Variants in SEMA6D observed in about 807,000 individuals in gnomAD.
SEMA6D encodes the protein semaphorin-6D.
In SEMA6D, 35 loss-of-function variants were observed where a neutral mutation model predicts 106.6. That is an observed-to-expected ratio of 0.33 (90% CI 0.25 to 0.44). The LOEUF (loss-of-function observed/expected upper bound fraction) is 0.44. SEMA6D is among the 20% of genes least tolerant of loss of function. The pLI is 1.00. For missense variants in SEMA6D, 1,185 were observed against 1,345.9 expected, an observed-to-expected ratio of 0.88 and a Z score of 1.87; for synonymous variants, 499 against 487.7, an observed-to-expected ratio of 1.02 and a Z score of -0.31.
intron 2 of SEMA6D, among the ~76,000 whole-genome samples, chr15:47,469,252 C>A (rs2042756961): frequency 6.6e-6 from 1 of 151,894 alleles, no homozygotes; most frequent in Non-Finnish European, 1.5e-5. Flanking sequence ...TTGCCCCAAC[C>A]AGGGGCGGAT....
intron 3 of SEMA6D, among the ~76,000 whole-genome samples, chr15:47,502,471 G>A (rs2043883559): frequency 6.6e-6 from 1 of 152,190 alleles, no homozygotes; most frequent in Non-Finnish European, 1.5e-5. Flanking sequence ...CTGGGATCAG[G>A]CCACCACATG....
rs117638022 is a variant in SEMA6D at position 47,500,121 on chromosome 15, G to A, written c.-87+29576G>A. ...TCATAGCCAGTCAGCTGGGATGCTA[G>A]TAGAATGACCCTCCTGATGAAATAT... On this transcript the variant is annotated intron_variant, in intron 3 of 19. Coordinates refer to the SEMA6D transcript ENST00000558014. 2.9e-3 allele frequency among the ~76,000 whole-genome samples: 447 copies of A among 152,244 alleles called. 1 individual carries two copies. Among genetic ancestry groups the A allele is most frequent in the Middle Eastern group, 0.024 (7 of 294 alleles).
At chr15:47,328,688 A>G (rs2037225675) in intron 1 of SEMA6D, among the ~76,000 whole-genome samples, 1 of 152,096 alleles carries the variant, frequency 6.6e-6, no homozygotes, top group Non-Finnish European at 1.5e-5. Context: ...TCTGTCTCCT[A>G]CCACAATAAG....
At chr15:47,303,283 T>A (rs1394576074) in intron 1 of SEMA6D, among the ~76,000 whole-genome samples, 1 of 152,234 alleles carries the variant, frequency 6.6e-6, no homozygotes, top group East Asian at 1.9e-4. Flanking sequence ...ATGCATAGGT[T>A]TCACTTTCGA....
chr15:47,695,012 A>AT (rs2078669518), intron 4 of SEMA6D, among the ~76,000 whole-genome samples: 1 of 152,130 alleles, frequency 6.6e-6, no homozygotes, highest in South Asian at 2.1e-4. Context: ...GATGGAGATT[A>AT]TTTATTTATT....
intron 1 of SEMA6D, among the ~76,000 whole-genome samples, chr15:47,236,856 A>G (rs1196968403): frequency 1.3e-5 from 2 of 152,206 alleles, no homozygotes; most frequent in South Asian, 2.1e-4. Flanking sequence ...TTCAAGATAT[A>G]GTTCAAATCA....
chr15:47,530,303 C>G (rs1027149110), intron 3 of SEMA6D, among the ~76,000 whole-genome samples: 3 of 152,168 alleles, frequency 2.0e-5, no homozygotes, highest in Non-Finnish European at 2.9e-5. Context: ...CAAACACATT[C>G]AGACAGAACA....
intron 1 of SEMA6D, among the ~76,000 whole-genome samples, chr15:47,210,048 T>C (rs1202298509): frequency 6.6e-6 from 1 of 152,224 alleles, no homozygotes; most frequent in African/African-American, 2.4e-5. Flanking sequence ...ATAGATGTCC[T>C]ATTTCTGGAA....
chr15:47,420,122 T>C (rs2041105775), intron 2 of SEMA6D, among the ~76,000 whole-genome samples: 1 of 152,114 alleles, frequency 6.6e-6, no homozygotes, highest in Non-Finnish European at 1.5e-5. Flanking sequence ...ACAGATACCC[T>C]CTTAAGTTGA....
chr15:47,354,849 A>T (rs963887641), intron 1 of SEMA6D, among the ~76,000 whole-genome samples: 6 of 152,182 alleles, frequency 3.9e-5, no homozygotes, highest in Non-Finnish European at 8.8e-5. Context: ...TGACAAAACG[A>T]GTTTACTTAA....
chr15:47,403,713 G>A (rs576180276), intron 1 of SEMA6D, among the ~76,000 whole-genome samples: 3 of 152,080 alleles, frequency 2.0e-5, no homozygotes, highest in Admixed American at 2.0e-4. Context: ...GGAAAGAAGG[G>A]CCCTTCTAGT....
At chr15:47,323,222 C>G (rs2036994058) in intron 1 of SEMA6D, among the ~76,000 whole-genome samples, 1 of 152,138 alleles carries the variant, frequency 6.6e-6, no homozygotes, top group South Asian at 2.1e-4. Context: ...TGTTACAGCC[C>G]TTTGACTCCC....
intron 2 of SEMA6D, among the ~76,000 whole-genome samples, chr15:47,460,649 G>T (rs1413383322): frequency 2.0e-5 from 3 of 152,034 alleles, no homozygotes; most frequent in African/African-American, 7.2e-5. Context: ...CCAACCTTTT[G>T]TGCAGATAAT....
At chr15:47,218,792 T>C (rs2030916639) in intron 1 of SEMA6D, among the ~76,000 whole-genome samples, 1 of 152,214 alleles carries the variant, frequency 6.6e-6, no homozygotes, top group South Asian at 2.1e-4. Flanking sequence ...ACGGTCACAG[T>C]AACTCTAGGA....
At position 47,770,601 on chromosome 15, in the gene SEMA6D, G is replaced by T. The variant is rs1407513694; in HGVS notation, c.2038G>T (p.Gly680Cys). ...AAFVLGAFIA[G>C]VAVYCYRDMF... ...TTTTGTTTTGGGGGCATTCATTGCA[G>T]GTGTGGCAGTATACTGCTATCGAGA... is the stretch of plus-strand genomic sequence containing the variant. The change falls in exon 19 of 19, where the codon GGT (glycine) becomes TGT (cysteine). Residue 680 changes from glycine (G) to cysteine (C), a missense_variant. Coordinates refer to ENST00000536845, the MANE Select transcript of SEMA6D (RefSeq NM_001358351.3). 1 of 1,613,916 alleles carries T rather than the reference G, an allele frequency of 6.2e-7. No homozygotes were observed. The highest frequency in any genetic ancestry group is 8.5e-7 in the Non-Finnish European group (1 of 1,179,956).
At chr15:47,389,690 A>C (rs543589642) in intron 1 of SEMA6D, among the ~76,000 whole-genome samples, 4 of 152,282 alleles carry the variant, frequency 2.6e-5, no homozygotes, top group African/African-American at 9.6e-5. Flanking sequence ...AAAAATAGCA[A>C]CATAGAAAAC....
chr15:47,377,582 TACTC>T (rs2039492422), intron 1 of SEMA6D, among the ~76,000 whole-genome samples: 1 of 152,166 alleles, frequency 6.6e-6, no homozygotes, highest in Admixed American at 6.5e-5. Flanking sequence ...AAAAAATCAT[TACTC>T]AGTAAGTGGG....
intron 4 of SEMA6D, among the ~76,000 whole-genome samples, chr15:47,688,444 G>T (rs1481746609): frequency 6.6e-6 from 1 of 152,108 alleles, no homozygotes; most frequent in Admixed American, 6.5e-5. Flanking sequence ...CATAATAGAA[G>T]CTGGAATAAA....
chr15:47,354,044 T>C (rs1037885457), intron 1 of SEMA6D, among the ~76,000 whole-genome samples: 1 of 151,716 alleles, frequency 6.6e-6, no homozygotes, highest in African/African-American at 2.4e-5. Context: ...TTATAAGCTC[T>C]CTCATTCTCT....
Sources: allele counts gnomAD v4.1 joint callset (sites outside exome capture counted in the v4.1 genomes callset), GRCh38; gene constraint gnomAD v4.1.1; transcripts MANE v1.5; gene names NCBI Gene and HGNC (gene_info 2026-07-23, HGNC 2026-07-21).